Variants in UNC5D observed in about 807,000 individuals in gnomAD.
UNC5D encodes the protein unc-5 netrin receptor D.
A neutral mutation model predicts 105.4 loss-of-function variants in UNC5D; 39 were observed. The ratio of observed to expected loss-of-function variants is 0.37; its 90% CI spans 0.29 to 0.48. The LOEUF is 0.48. Ranked by LOEUF, UNC5D falls within the 20% of genes least tolerant of loss-of-function variation. The pLI, the probability that UNC5D is intolerant of heterozygous loss-of-function variation, is 0.98. For missense variants in UNC5D, 991 were observed against 1,202.4 expected (o/e 0.82, Z 2.60); for synonymous variants, 452 against 450.4 (o/e 1.00, Z -0.04).
chr8:35,745,247 A>C lies in UNC5D; in HGVS notation c.1767-3280A>C, dbSNP rs542227929. ...AGGCCTGGTCAGAGAAAACCTCATC[A>C]GTAGATGTCAGTTAAGCAAGAACCT... On this transcript the variant is annotated intron_variant, in intron 11 of 16. Transcript: ENST00000404895. Among the ~76,000 whole-genome samples the C allele has an allele frequency of 4.4e-4, 67 of 152,310 alleles. 2 individuals carry two copies. In the South Asian group the frequency reaches 0.014, roughly 31 times the overall value.
chr8:35,744,028 G>A (rs1829890448), intron 11 of UNC5D, among the ~76,000 whole-genome samples: 1 of 152,140 alleles, frequency 6.6e-6, no homozygotes, highest in African/African-American at 2.4e-5. Context: ...CTGTTGTCCT[G>A]TGCCTTTGGT....
intron 4 of UNC5D, among the ~76,000 whole-genome samples, chr8:35,646,624 T>C (rs1443758016): frequency 2.0e-5 from 3 of 151,972 alleles, no homozygotes; most frequent in Non-Finnish European, 4.4e-5. Flanking sequence ...TCTTAATACC[T>C]CTCCCTATGC....
chr8:35,288,847 G>A (rs995391742), intron 1 of UNC5D, among the ~76,000 whole-genome samples: 6 of 151,956 alleles, frequency 3.9e-5, no homozygotes, highest in South Asian at 2.1e-4. Context: ...GAAACCTATA[G>A]CAGTTTCACA....
intron 2 of UNC5D, among the ~76,000 whole-genome samples, chr8:35,551,840 A>G (rs1816170925): frequency 6.6e-6 from 1 of 151,958 alleles, no homozygotes; most frequent in Non-Finnish European, 1.5e-5. Flanking sequence ...AAAAAGGAAA[A>G]GGAAAAGAAA....
intron 14 of UNC5D, among the ~76,000 whole-genome samples, chr8:35,762,558 TACC>T: frequency 6.6e-6 from 1 of 152,314 alleles, no homozygotes; most frequent in East Asian, 1.9e-4. Flanking sequence ...CCTAAGACTC[TACC>T]ACATTAGGAA....
At chr8:35,323,703 C>T (rs1474520091) in intron 1 of UNC5D, among the ~76,000 whole-genome samples, 4 of 152,038 alleles carry the variant, frequency 2.6e-5, no homozygotes, top group Admixed American at 2.6e-4. Context: ...TCCATTTTAG[C>T]GATAAAATAA....
intron 3 of UNC5D, among the ~76,000 whole-genome samples, chr8:35,572,133 C>T (rs1033347459): frequency 4.0e-5 from 6 of 151,852 alleles, no homozygotes; most frequent in Non-Finnish European, 7.4e-5. Flanking sequence ...CAAAAAATTA[C>T]AGAAATTAGG....
intron 4 of UNC5D, among the ~76,000 whole-genome samples, chr8:35,625,245 T>C (rs1463042860): frequency 1.3e-5 from 2 of 152,344 alleles, no homozygotes; most frequent in Admixed American, 6.5e-5. Context: ...AAAAAAATGT[T>C]AGAAATGCGC....
chr8:35,762,767 A>T (rs1446062841), intron 14 of UNC5D, among the ~76,000 whole-genome samples: 1 of 152,168 alleles, frequency 6.6e-6, no homozygotes, highest in African/African-American at 2.4e-5. Flanking sequence ...AACATAATAC[A>T]ATAAATTATT....
At chr8:35,437,596 T>C (rs1036294406) in intron 1 of UNC5D, among the ~76,000 whole-genome samples, 3 of 152,114 alleles carry the variant, frequency 2.0e-5, no homozygotes, top group Non-Finnish European at 4.4e-5. Flanking sequence ...ATTGGCTTCC[T>C]ATAAAATCGT....
intron 1 of UNC5D, among the ~76,000 whole-genome samples, chr8:35,522,840 T>A (rs1342839530): frequency 6.6e-6 from 1 of 152,150 alleles, no homozygotes; most frequent in Non-Finnish European, 1.5e-5. Context: ...AAGACATCCC[T>A]AATATTCATC....
At chr8:35,252,354 A>C (rs924682863) in intron 1 of UNC5D, among the ~76,000 whole-genome samples, 1 of 152,062 alleles carries the variant, frequency 6.6e-6, no homozygotes, top group Non-Finnish European at 1.5e-5. Flanking sequence ...TCCTCTACAT[A>C]TTTCTCCTTT....
At chr8:35,441,308 T>A (rs1807381470) in intron 1 of UNC5D, among the ~76,000 whole-genome samples, 1 of 151,960 alleles carries the variant, frequency 6.6e-6, no homozygotes, top group Non-Finnish European at 1.5e-5. Context: ...GAGAGAGAAA[T>A]AACTTTTATT....
chr8:35,662,031 G>C (rs1450014851), intron 4 of UNC5D, among the ~76,000 whole-genome samples: 1 of 152,048 alleles, frequency 6.6e-6, no homozygotes, highest in African/African-American at 2.4e-5. Context: ...GGAAAAAATA[G>C]CAATGGGTTG....
At chr8:35,533,421 C>T (rs913750490) in intron 1 of UNC5D, among the ~76,000 whole-genome samples, 2 of 152,044 alleles carry the variant, frequency 1.3e-5, no homozygotes, top group East Asian at 1.9e-4. Context: ...TCTCCAGCTG[C>T]GTGCTGGGAG....
At chr8:35,283,146 G>A (rs1437426564) in intron 1 of UNC5D, among the ~76,000 whole-genome samples, 4 of 152,140 alleles carry the variant, frequency 2.6e-5, no homozygotes, top group Non-Finnish European at 4.4e-5. Flanking sequence ...GAAAATTAAA[G>A]CAAAACTATG....
chr8:35,790,671 T>A lies in UNC5D; in HGVS notation c.*108T>A. On this transcript the variant is annotated 3_prime_UTR_variant, in exon 17 of 17. Transcript: ENST00000404895. Reference sequence around the variant, plus strand: ...GGCGTTGGGGGAATTCAGCCTTCATTTATAATCAGTGAGATTCCCCTGTTG... The same window carrying A: ...GGCGTTGGGGGAATTCAGCCTTCATATATAATCAGTGAGATTCCCCTGTTG... 4.1e-6 allele frequency: 5 copies of A among 1,233,246 alleles called. No individual in the cohort carries two copies. The South Asian group carries it at 6.6e-5, about 16-fold the overall frequency. 76.4% of individuals were successfully genotyped at this position (1,233,246 alleles called of 1,614,324 possible).
chr8:35,537,925 A>G (rs1025230873), intron 1 of UNC5D, among the ~76,000 whole-genome samples: 6 of 152,098 alleles, frequency 3.9e-5, no homozygotes, highest in Non-Finnish European at 5.9e-5. Context: ...TCTCAGAGCT[A>G]TTTAACCATT....
intron 1 of UNC5D, among the ~76,000 whole-genome samples, chr8:35,496,006 C>G (rs1585978448): frequency 6.6e-6 from 1 of 152,176 alleles, no homozygotes; most frequent in African/African-American, 2.4e-5. Flanking sequence ...TCCACCTCAT[C>G]ATAGTGGGGA....
Sources: allele counts gnomAD v4.1 joint callset (sites outside exome capture counted in the v4.1 genomes callset), GRCh38; gene constraint gnomAD v4.1.1; transcripts MANE v1.5; gene names NCBI Gene and HGNC (gene_info 2026-07-23, HGNC 2026-07-21).